ARPP21: variants seen among roughly 807,000 people sequenced by gnomAD.
ARPP21 encodes the protein cAMP regulated phosphoprotein 21.
Under a neutral mutation model 113.2 loss-of-function variants are expected in ARPP21, and 69 were observed. The observed-to-expected ratio is 0.61, with a 90% CI of 0.50 to 0.74. ARPP21 has a LOEUF of 0.74. Ranked by LOEUF, ARPP21 falls within the 30% of genes least tolerant of loss-of-function variation. The pLI is 0.00. For missense variants in ARPP21, 1,070 were observed against 1,037.4 expected (o/e 1.03, Z -0.43); for synonymous variants, 368 against 375.5 (o/e 0.98, Z 0.23).
At chr3:35,650,032 C>CA (rs1187814235) in intron 1 of ARPP21, among the ~76,000 whole-genome samples, 3 of 152,050 alleles carry the variant, frequency 2.0e-5, no homozygotes, top group African/African-American at 7.2e-5. Context: ...GACACACAAA[C>CA]AAAAAACAAA....
At chr3:35,766,788 C>G (rs570407603) in intron 19 of ARPP21, among the ~76,000 whole-genome samples, 1 of 152,114 alleles carries the variant, frequency 6.6e-6, no homozygotes, top group Non-Finnish European at 1.5e-5. Flanking sequence ...AATGCACCAT[C>G]ACCTATTTCT....
intron 5 of ARPP21, among the ~76,000 whole-genome samples, chr3:35,687,468 TG>T (rs1168651411): frequency 6.6e-6 from 1 of 151,406 alleles, no homozygotes; most frequent in Non-Finnish European, 1.5e-5. Context: ...AAATAAGTAT[TG>T]TGATCTACAG....
intron 9 of ARPP21, among the ~76,000 whole-genome samples, chr3:35,699,212 G>A (rs1255515887): frequency 1.3e-5 from 2 of 151,582 alleles, no homozygotes; most frequent in Non-Finnish European, 3.0e-5. Context: ...ACTAGAGATA[G>A]TATTGTCCTA....
chr3:35,684,125 T>G, intron 5 of ARPP21: 4 of 1,495,240 alleles, frequency 2.7e-6, no homozygotes, highest in Non-Finnish European at 3.6e-6. Flanking sequence ...GGCTCTCTTT[T>G]GATAAGGCTG....
chr3:35,650,138 T>C (rs1366315966), intron 1 of ARPP21: 2 of 152,090 alleles, frequency 1.3e-5, no homozygotes, highest in Non-Finnish European at 2.9e-5. Flanking sequence ...TTGACACCGT[T>C]GATATTCTCA....
intron 5 of ARPP21, 186 bp downstream of exon 5, chr3:35,684,001 T>A: frequency 1.3e-6 from 2 of 1,508,602 alleles, no homozygotes; most frequent in South Asian, 1.1e-5. Flanking sequence ...TCACAGAGTA[T>A]TAAATTTGTT....
intron 19 of ARPP21, chr3:35,774,844 C>T (rs965561896): frequency 3.9e-5 from 6 of 152,084 alleles, no homozygotes; most frequent in African/African-American, 1.2e-4. Context: ...ATACTTTTAT[C>T]AAATCTTTGA....
chr3:35,706,873 C>T, intron 9 of ARPP21, 101 bp from the exon 10 acceptor site: 2 of 847,844 alleles, frequency 2.4e-6, no homozygotes, highest in Non-Finnish European at 3.7e-6. Flanking sequence ...CACTTGTAAA[C>T]TTTTAAGTTA....
At chr3:35,784,719 G>A (rs1205201755) in intron 19 of ARPP21, 1 of 151,856 alleles carries the variant, frequency 6.6e-6, no homozygotes, top group African/African-American at 2.4e-5. Flanking sequence ...TTGAGCAAGA[G>A]TCCTGCCAGT....
At chr3:35,745,424 C>A (rs995971669) in intron 19 of ARPP21, among the ~76,000 whole-genome samples, 2 of 152,094 alleles carry the variant, frequency 1.3e-5, no homozygotes, top group African/African-American at 2.4e-5. Flanking sequence ...TTACTAATGC[C>A]TTTAGAAGAA....
At chr3:35,765,108 C>G (rs1488649576) in intron 19 of ARPP21, among the ~76,000 whole-genome samples, 1 of 152,054 alleles carries the variant, frequency 6.6e-6, no homozygotes, top group Non-Finnish European at 1.5e-5. Flanking sequence ...AGTAATTGAA[C>G]TTATATGGAA....
intron 19 of ARPP21, among the ~76,000 whole-genome samples, chr3:35,753,305 A>G (rs777678763): frequency 6.6e-6 from 1 of 152,074 alleles, no homozygotes. Flanking sequence ...TCATGTCAAC[A>G]TATGAATATA....
chr3:35,672,111 T>C (rs1199365459), intron 1 of ARPP21, among the ~76,000 whole-genome samples: 1 of 152,102 alleles, frequency 6.6e-6, no homozygotes, highest in Middle Eastern at 3.2e-3. Context: ...AGTAGTGTCA[T>C]ATGTGTTTAT....
chr3:35,740,898 G>C (rs1473118779), intron 18 of ARPP21, among the ~76,000 whole-genome samples: 1 of 151,794 alleles, frequency 6.6e-6, no homozygotes, highest in African/African-American at 2.4e-5. Flanking sequence ...GGGAGTTCGA[G>C]ACCAGCCTGC....
At chr3:35,719,309 A>T (rs1211953540) in intron 13 of ARPP21, among the ~76,000 whole-genome samples, 1 of 152,220 alleles carries the variant, frequency 6.6e-6, no homozygotes, top group African/African-American at 2.4e-5. Flanking sequence ...GTTACACATT[A>T]TTTTTGAATC....
chr3:35,751,410 C>A (rs544131201), intron 19 of ARPP21, among the ~76,000 whole-genome samples: 1 of 152,176 alleles, frequency 6.6e-6, no homozygotes, highest in Non-Finnish European at 1.5e-5. Context: ...ATTGCAAAAC[C>A]CATGCAGCTT....
chr3:35,761,641 G>A (rs2095782967), intron 19 of ARPP21, among the ~76,000 whole-genome samples: 1 of 151,900 alleles, frequency 6.6e-6, no homozygotes, highest in South Asian at 2.1e-4. Flanking sequence ...AAATATCTGA[G>A]TGGAATTAAG....
chr3:35,716,501 G>T (rs559053422), intron 12 of ARPP21, among the ~76,000 whole-genome samples: 1 of 151,978 alleles, frequency 6.6e-6, no homozygotes, highest in Non-Finnish European at 1.5e-5. Context: ...CAGAAGAAGA[G>T]ATAAAATTGA....
At position 35,734,634 on chromosome 3, in the gene ARPP21, A is replaced by G. The variant is rs116144260; in HGVS notation, c.1460-2544A>G. Among the ~76,000 whole-genome samples, 608 of 152,288 alleles carry G rather than the reference A, an allele frequency of 4.0e-3. 2 individuals carry two copies. Among genetic ancestry groups the G allele is most frequent in the African/African-American group, 0.014 (588 of 41,562 alleles). On this transcript the variant is annotated intron_variant, in intron 15 of 20. Transcript: ENST00000684406. ...TTTCTTGTTACTAACACACAAATAT[A>G]TTTGCACTCAAAATTTGTGGTAATA...
Sources: allele counts gnomAD v4.1 joint callset (sites outside exome capture counted in the v4.1 genomes callset), GRCh38; gene constraint gnomAD v4.1.1; transcripts MANE v1.5; gene names NCBI Gene and HGNC (gene_info 2026-07-23, HGNC 2026-07-21).